Variants in ANO2 observed in about 807,000 individuals in gnomAD.
ANO2 encodes the protein anoctamin-2.
Under a neutral mutation model 124.2 loss-of-function variants are expected in ANO2, and 101 were observed. That is an observed-to-expected ratio of 0.81 (90% CI 0.69 to 0.96). The LOEUF is 0.96. Ranked by LOEUF, ANO2 falls within the 40% of genes least tolerant of loss-of-function variation. The pLI, the probability that ANO2 is intolerant of heterozygous loss-of-function variation, is 0.00. For synonymous variants in ANO2, 486 were observed against 482.5 expected, an observed-to-expected ratio of 1.01 and a Z score of -0.09; for missense variants, 1,293 against 1,274.5, an observed-to-expected ratio of 1.01 and a Z score of -0.22.
At chr12:5,742,223 G>T (rs1486622180) in intron 12 of ANO2, among the ~76,000 whole-genome samples, 1 of 152,054 alleles carries the variant, frequency 6.6e-6, no homozygotes, top group South Asian at 2.1e-4. Flanking sequence ...CCTGAACCAG[G>T]CCCACCCAGC....
intron 11 of ANO2, among the ~76,000 whole-genome samples, chr12:5,747,992 G>A (rs544346764): frequency 1.3e-5 from 2 of 152,096 alleles, no homozygotes; most frequent in Admixed American, 6.5e-5. Flanking sequence ...CTATGTGCAC[G>A]TGCATGAGTG....
intron 10 of ANO2, among the ~76,000 whole-genome samples, chr12:5,778,652 G>T (rs1313890329): frequency 6.6e-6 from 1 of 152,142 alleles, no homozygotes; most frequent in Non-Finnish European, 1.5e-5. Context: ...ACAATCAGCA[G>T]ACTCTTAGAA....
chr12:5,805,016 C>T (rs955984078), intron 9 of ANO2, among the ~76,000 whole-genome samples: 2 of 151,870 alleles, frequency 1.3e-5, no homozygotes, highest in African/African-American at 4.8e-5. Flanking sequence ...AAATCTGATG[C>T]GGGACTTTTC....
intron 14 of ANO2, among the ~76,000 whole-genome samples, chr12:5,711,254 C>T (rs2137039867): frequency 1.3e-5 from 2 of 152,136 alleles, no homozygotes; most frequent in East Asian, 3.9e-4. Context: ...TGTCTTGGTG[C>T]CATTCTCATG....
intron 14 of ANO2, among the ~76,000 whole-genome samples, chr12:5,713,185 C>CAG (rs142808769): frequency 1.4e-3 from 211 of 152,164 alleles, no homozygotes; most frequent in African/African-American, 5.0e-3. Context: ...GGGTAAATAC[C>CAG]AGAGATGGTG....
chr12:5,573,032 G>A (rs1045000642), intron 23 of ANO2, among the ~76,000 whole-genome samples: 1 of 152,148 alleles, frequency 6.6e-6, no homozygotes, highest in African/African-American at 2.4e-5. Flanking sequence ...CTGGGCATTG[G>A]TTGTTTTGGC....
At chr12:5,841,116 A>G (rs992712536) in intron 4 of ANO2, among the ~76,000 whole-genome samples, 2 of 152,228 alleles carry the variant, frequency 1.3e-5, no homozygotes, top group African/African-American at 4.8e-5. Flanking sequence ...GCACACGCTG[A>G]GCCAGGACCT....
At chr12:5,837,511 T>C (rs1199658163) in intron 4 of ANO2, among the ~76,000 whole-genome samples, 2 of 121,674 alleles carry the variant, frequency 1.6e-5, no homozygotes, top group East Asian at 5.1e-4. Flanking sequence ...CAGAGTGTGA[T>C]GTTCCCTTTC....
chr12:5,593,501 G>C (rs1454304446), intron 20 of ANO2, among the ~76,000 whole-genome samples: 2 of 152,124 alleles, frequency 1.3e-5, no homozygotes, highest in African/African-American at 4.8e-5. Context: ...GGTATGCCTT[G>C]GGGTCTGGTA....
chr12:5,709,282 A>G (rs1949723324), intron 14 of ANO2, among the ~76,000 whole-genome samples: 1 of 152,094 alleles, frequency 6.6e-6, no homozygotes, highest in African/African-American at 2.4e-5. Context: ...CAGAAGAAAA[A>G]CTATACTCTC....
chr12:5,823,970 A>C (rs893110064), intron 7 of ANO2, among the ~76,000 whole-genome samples: 3 of 152,218 alleles, frequency 2.0e-5, no homozygotes, highest in African/African-American at 7.2e-5. Flanking sequence ...CCACAGCCTG[A>C]GCTGTATGTT....
chr12:5,882,300 C>T (rs780912683), intron 3 of ANO2, among the ~76,000 whole-genome samples: 2 of 152,214 alleles, frequency 1.3e-5, no homozygotes, highest in Non-Finnish European at 2.9e-5. Flanking sequence ...ATAAAAAACA[C>T]TGGGTTTGTG....
intron 14 of ANO2, among the ~76,000 whole-genome samples, chr12:5,713,921 G>A (rs771023134): frequency 6.6e-6 from 1 of 152,098 alleles, no homozygotes; most frequent in Admixed American, 6.6e-5. Flanking sequence ...TCCACCTCAG[G>A]CCCTCCCTCT....
At chr12:5,866,684 C>T (rs1380273186) in intron 3 of ANO2, among the ~76,000 whole-genome samples, 4 of 152,158 alleles carry the variant, frequency 2.6e-5, no homozygotes, top group African/African-American at 7.2e-5. Flanking sequence ...AGAGACCAGC[C>T]GGCCTGAAAC....
intron 23 of ANO2, among the ~76,000 whole-genome samples, chr12:5,575,499 T>C (rs1395336836): frequency 1.3e-5 from 2 of 152,198 alleles, no homozygotes; most frequent in African/African-American, 2.4e-5. Context: ...AACGTGCTTA[T>C]ACAAATCTAG....
At chr12:5,761,923 G>C (rs1165452741) in intron 10 of ANO2, among the ~76,000 whole-genome samples, 1 of 152,078 alleles carries the variant, frequency 6.6e-6, no homozygotes, top group African/African-American at 2.4e-5. Flanking sequence ...TCACATGTAT[G>C]TGCTGCAAAA....
intron 14 of ANO2, among the ~76,000 whole-genome samples, chr12:5,707,548 G>C (rs1296064579): frequency 6.6e-6 from 1 of 152,158 alleles, no homozygotes; most frequent in Admixed American, 6.5e-5. Context: ...GGTGCATTTA[G>C]AAAGCATCAG....
chr12:5,627,711 C>T (rs933091103), intron 16 of ANO2, among the ~76,000 whole-genome samples: 14 of 152,230 alleles, frequency 9.2e-5, no homozygotes, highest in African/African-American at 3.4e-4. Flanking sequence ...CCATCCTTTT[C>T]CTTTCCTCCT....
intron 10 of ANO2, among the ~76,000 whole-genome samples, chr12:5,793,166 G>A (rs567514930): frequency 2.0e-5 from 3 of 152,286 alleles, no homozygotes; most frequent in African/African-American, 7.2e-5. Context: ...GCAGCTCCAG[G>A]AAGCAGAACT....
Sources: allele counts gnomAD v4.1 joint callset (sites outside exome capture counted in the v4.1 genomes callset), GRCh38; gene constraint gnomAD v4.1.1; transcripts MANE v1.5; gene names NCBI Gene and HGNC (gene_info 2026-07-23, HGNC 2026-07-21).